The following UNC13B variants were observed in gnomAD, a reference collection of about 807,000 sequenced individuals.
UNC13B encodes the protein protein unc-13 homolog B.
UNC13B carries 144 observed loss-of-function variants against 211.0 expected under a neutral mutation model. The observed-to-expected ratio is 0.68, with a 90% CI of 0.60 to 0.78. The LOEUF (loss-of-function observed/expected upper bound fraction) is 0.78, where lower values mean the gene tolerates loss of function less well. Ranked by LOEUF, UNC13B falls within the 30% of genes least tolerant of loss-of-function variation. UNC13B has a pLI of 0.00. For synonymous variants in UNC13B, 709 were observed against 725.8 expected (o/e 0.98, Z 0.37); for missense variants, 1,777 against 2,002.0 (o/e 0.89, Z 2.14).
intron 7 of UNC13B, among the ~76,000 whole-genome samples, chr9:35,279,208 C>G (rs532856050): frequency 1.3e-5 from 2 of 152,200 alleles, no homozygotes; most frequent in Non-Finnish European, 2.9e-5. Flanking sequence ...ATTCTCTCCA[C>G]CCCTCACCGC....
At chr9:35,286,771 G>T (rs1828819494) in intron 7 of UNC13B, among the ~76,000 whole-genome samples, 1 of 152,088 alleles carries the variant, frequency 6.6e-6, no homozygotes, top group African/African-American at 2.4e-5. Flanking sequence ...CAAAACTGTG[G>T]ATTTTTGGAG....
chr9:35,339,824 C>A (rs938331091), intron 11 of UNC13B, among the ~76,000 whole-genome samples: 1 of 152,218 alleles, frequency 6.6e-6, no homozygotes, highest in African/African-American at 2.4e-5. Flanking sequence ...GAAATGCCAT[C>A]TGGAGGCCTT....
In UNC13B at chr9:35,382,592, T is replaced by A. The variant is rs887800075; in HGVS notation, c.10806+85T>A. The A allele has an allele frequency of 4.8e-6, 7 of 1,472,396 alleles. No individual in the cohort carries two copies. The Admixed American group carries it at 1.4e-4, about 29-fold the overall frequency. The allele number at this position is 1,472,396 out of a possible 1,614,324, so 91.2% of individuals were successfully genotyped here. ...TTTTTTTTTTTTTTGAGACAGAGTCTCGCTCTGTTGCCCAGGCTGGAGTAC... is the reference window on the plus strand; with the variant it reads ...TTTTTTTTTTTTTTGAGACAGAGTCACGCTCTGTTGCCCAGGCTGGAGTAC... On this transcript the variant is annotated intron_variant, in intron 21 of 39. Coordinates refer to ENST00000635942, the MANE Select transcript of UNC13B (RefSeq NM_001371189.2).
chr9:35,364,675 G>A, intron 11 of UNC13B: 1 of 1,226,722 alleles, frequency 8.2e-7, no homozygotes, highest in Non-Finnish European at 1.1e-6. Flanking sequence ...ACATGCACAT[G>A]TGCGTGCATG....
intron 11 of UNC13B, among the ~76,000 whole-genome samples, chr9:35,326,261 A>C (rs1211053820): frequency 6.6e-6 from 1 of 151,986 alleles, no homozygotes; most frequent in African/African-American, 2.4e-5. Flanking sequence ...GGCCATTTTT[A>C]TATCTTCTTT....
At chr9:35,206,477 A>G (rs1823651183) in intron 1 of UNC13B, among the ~76,000 whole-genome samples, 1 of 152,146 alleles carries the variant, frequency 6.6e-6, no homozygotes, top group Admixed American at 6.5e-5. Flanking sequence ...CATATAATTT[A>G]TGGTCCTTGT....
chr9:35,174,861 C>T (rs540637835), intron 1 of UNC13B, among the ~76,000 whole-genome samples: 10 of 151,624 alleles, frequency 6.6e-5, no homozygotes, highest in African/African-American at 2.2e-4. Context: ...GCTGGGATTA[C>T]AGGCATGAGC....
chr9:35,352,859 T>C, intron 11 of UNC13B: 2 of 1,232,158 alleles, frequency 1.6e-6, no homozygotes, highest in Non-Finnish European at 2.0e-6. Flanking sequence ...GTCCCAGTTT[T>C]TCAAACAGTA....
intron 1 of UNC13B, among the ~76,000 whole-genome samples, chr9:35,199,476 C>T (rs1455142803): frequency 3.3e-5 from 5 of 152,138 alleles, no homozygotes; most frequent in Admixed American, 1.3e-4. Context: ...AAAAGCATTC[C>T]TATTTCTCCA....
intron 26 of UNC13B, among the ~76,000 whole-genome samples, chr9:35,393,964 C>T (rs1045762499): frequency 6.6e-6 from 1 of 152,080 alleles, no homozygotes; most frequent in Admixed American, 6.5e-5. Flanking sequence ...AAAGGCCAGT[C>T]GCTCTGTCTA....
chr9:35,399,815 C>G, intron 36 of UNC13B, 86 bp downstream of exon 36: 1 of 1,259,258 alleles, frequency 7.9e-7, no homozygotes, highest in Non-Finnish European at 1.2e-6. Flanking sequence ...GGTGTCCCTC[C>G]AATTCTTAAC....
At position 35,386,194 on chromosome 9, in the gene UNC13B, C is replaced by G; in HGVS notation, c.10995C>G (p.Ala3665=). 2 of 1,614,178 alleles carry G rather than the reference C, an allele frequency of 1.2e-6. No homozygotes were observed. Among genetic ancestry groups the G allele is most frequent in the South Asian group, 2.2e-5 (2 of 91,080 alleles). Residue 3665 remains alanine (A), a synonymous_variant, in exon 24 of 40, where the codon GCC becomes GCG. Transcript: ENST00000635942. The part of the protein sequence containing the change: ...KVQELQSPPR[A]SQVVKDCVKA... ...AAGAACTGCAAAGCCCTCCAAGAGC[C>G]AGCCAGGTGGTAAAGGATTGTGTGA...
intron 11 of UNC13B, chr9:35,341,817 A>G (rs1832014281): frequency 7.6e-6 from 4 of 529,740 alleles, no homozygotes; most frequent in African/African-American, 2.1e-5. Context: ...CTGGTGCCCT[A>G]TGGGAGGTTG....
chr9:35,301,393 C>A lies in UNC13B; in HGVS notation c.1989C>A (p.Ile663=). 2.5e-6 allele frequency: 1 copy of A among 398,640 alleles called. No individual in the cohort carries two copies. The highest frequency in any genetic ancestry group is 4.4e-6 in the Non-Finnish European group (1 of 225,910). 24.7% of individuals were successfully genotyped at this position (398,640 alleles called of 1,614,324 possible). A position where few individuals can be genotyped will look rare whatever the true frequency, so the allele number is the denominator to read the frequency against. Residue 663 remains isoleucine (I), a synonymous_variant, in exon 9 of 40, where the codon ATC becomes ATA. Transcript: ENST00000635942. ...TCAGCAGGTTAAATCCATTGAAGAT[C>A]TTTTCAGAAAAGGAGGAAACAAAAA... ...SVFSRLNPLK[I]FSEKEETKKD...
Position 35,231,172 on chromosome 9 carries a change from T to A in UNC13B, c.105T>A (p.Thr35=). The A allele has an allele frequency of 1.2e-6, 2 of 1,613,682 alleles. No homozygotes were observed. The highest frequency in any genetic ancestry group is 1.7e-6 in the Non-Finnish European group (2 of 1,179,680). Residue 35 remains threonine (T), a synonymous_variant, in exon 3 of 40, where the codon ACT becomes ACA. Coordinates refer to ENST00000635942, the MANE Select transcript of UNC13B (RefSeq NM_001371189.2). ...TLKVQNVKST[T]VAVRGDQPSW... The stretch of plus-strand genomic sequence containing the variant: ...AAGTACAGAATGTGAAGAGCACAAC[T>A]GTAGCAGTTCGTGGTGATCAGCCTT...
intron 3 of UNC13B, 25 bp from the exon 4 acceptor site, chr9:35,236,444 C>T: frequency 6.3e-7 from 1 of 1,591,172 alleles, no homozygotes; most frequent in Non-Finnish European, 8.6e-7. Flanking sequence ...TAGCTTTCCT[C>T]AAAGGGCTTT....
rs534918187 is a variant in UNC13B, at chr9:35,399,672, A to C, written c.12279A>C (p.Thr4093=). ...AGGATCACATGGTACGAGAGGAAAC[A>C]CGGAATCTCACTCCAAAGCAGTGTG... ...KLKDHMVREE[T]RNLTPKQCAV... The change falls in exon 36 of 40, where the codon ACA becomes ACC. Residue 4093 remains threonine, a synonymous_variant. Transcript: ENST00000635942. 126 of 1,614,156 alleles carry C rather than the reference A, an allele frequency of 7.8e-5. 1 individual carries two copies. In the South Asian group the frequency reaches 9.1e-4, roughly 12 times the overall value.
intron 7 of UNC13B, among the ~76,000 whole-genome samples, chr9:35,262,135 T>C (rs1827310765): frequency 6.6e-6 from 1 of 152,212 alleles, no homozygotes; most frequent in African/African-American, 2.4e-5. Flanking sequence ...TCCCCCGCCA[T>C]GATCTAATCA....
chr9:35,359,887 C>T (rs1833289151), intron 11 of UNC13B, among the ~76,000 whole-genome samples: 1 of 152,132 alleles, frequency 6.6e-6, no homozygotes, highest in South Asian at 2.1e-4. Context: ...GAGTAATCCC[C>T]ATAGAGCATG....
Sources: allele counts gnomAD v4.1 joint callset (sites outside exome capture counted in the v4.1 genomes callset), GRCh38; gene constraint gnomAD v4.1.1; transcripts MANE v1.5; gene names NCBI Gene and HGNC (gene_info 2026-07-23, HGNC 2026-07-21).